FSTL5: variants seen among roughly 807,000 people sequenced by gnomAD.
FSTL5 encodes follistatin like 5.
In FSTL5, 62 loss-of-function variants were observed where a neutral mutation model predicts 89.1. The ratio of observed to expected loss-of-function variants is 0.70; its 90% CI spans 0.57 to 0.86. The LOEUF is 0.86. FSTL5 is among the 40% of genes least tolerant of loss of function. The pLI, the probability that FSTL5 is intolerant of heterozygous loss-of-function variation, is 0.00. For synonymous variants in FSTL5, 383 were observed against 346.2 expected (o/e 1.11, Z -1.18); for missense variants, 1,057 against 1,001.6 (o/e 1.06, Z -0.75).
At chr4:161,948,867 A>C (rs1213077476) in intron 3 of FSTL5, among the ~76,000 whole-genome samples, 1 of 151,654 alleles carries the variant, frequency 6.6e-6, no homozygotes, top group East Asian at 1.9e-4. Context: ...GTGATTTTTA[A>C]AATTATTTCC....
chr4:161,847,915 A>G (rs1174649218), intron 4 of FSTL5, among the ~76,000 whole-genome samples: 2 of 151,740 alleles, frequency 1.3e-5, no homozygotes, highest in African/African-American at 4.8e-5. Context: ...GTGTGCCTGT[A>G]ATCACAGCTA....
intron 3 of FSTL5, among the ~76,000 whole-genome samples, chr4:161,924,997 T>A (rs1277899162): frequency 6.6e-6 from 1 of 151,878 alleles, no homozygotes; most frequent in Non-Finnish European, 1.5e-5. Context: ...GAGTCTTTGC[T>A]TTTCTGTTCC....
At chr4:162,012,927 T>C (rs1312565589) in intron 3 of FSTL5, among the ~76,000 whole-genome samples, 1 of 152,158 alleles carries the variant, frequency 6.6e-6, no homozygotes, top group Non-Finnish European at 1.5e-5. Context: ...CTCACTCCTG[T>C]AGTTCTAGCA....
chr4:161,964,150 T>G (rs758286415), intron 3 of FSTL5, among the ~76,000 whole-genome samples: 41 of 151,980 alleles, frequency 2.7e-4, no homozygotes, highest in Non-Finnish European at 4.6e-4. Flanking sequence ...GGATAATAAA[T>G]AAAGACACTA....
At chr4:161,443,018 T>C (rs200783738) in intron 15 of FSTL5, among the ~76,000 whole-genome samples, 63 of 152,082 alleles carry the variant, frequency 4.1e-4, no homozygotes, top group Admixed American at 4.6e-4. Context: ...GAAAAAATAA[T>C]GGCTCCTGCA....
At chr4:161,542,801 A>G (rs1223033860) in intron 8 of FSTL5, 108 bp from the exon 9 acceptor site, 2 of 567,576 alleles carry the variant, frequency 3.5e-6, no homozygotes, top group Non-Finnish European at 5.5e-6. Flanking sequence ...TATTTTAATG[A>G]TGCTATACGT....
intron 2 of FSTL5, among the ~76,000 whole-genome samples, chr4:162,103,495 A>C (rs1731085015): frequency 6.6e-6 from 1 of 152,174 alleles, no homozygotes; most frequent in Admixed American, 6.6e-5. Flanking sequence ...GGTCTCTAAT[A>C]ATTAGTTTCT....
At chr4:161,482,928 T>C (rs2126456532) in intron 12 of FSTL5, among the ~76,000 whole-genome samples, 1 of 152,344 alleles carries the variant, frequency 6.6e-6, no homozygotes, top group Non-Finnish European at 1.5e-5. Flanking sequence ...TCTAAGCTTC[T>C]AAGACATAAG....
At chr4:161,524,585 G>A (rs780185730) in intron 10 of FSTL5, among the ~76,000 whole-genome samples, 14 of 151,854 alleles carry the variant, frequency 9.2e-5, no homozygotes, top group East Asian at 1.9e-4. Context: ...CAGATTCTAC[G>A]TCACAATGCC....
Position 162,144,656 on chromosome 4 carries a change from A to C in FSTL5, c.-17+18959T>G, listed in dbSNP as rs139707089. Among the ~76,000 whole-genome samples the C allele has an allele frequency of 2.0e-5, 3 of 152,272 alleles. No homozygotes were observed. The East Asian group carries it at 5.8e-4, about 29-fold the overall frequency. On this transcript the variant is annotated intron_variant, in intron 1 of 15. Transcript: ENST00000306100. ...ACATCATGGTTCTTTTGAAAAATTGATTAGACAAATATAATGATCCACAAA... is the reference window on the plus strand; with the variant it reads ...ACATCATGGTTCTTTTGAAAAATTGCTTAGACAAATATAATGATCCACAAA...
chr4:161,471,961 C>T (rs1460887874), intron 13 of FSTL5, among the ~76,000 whole-genome samples: 9 of 145,494 alleles, frequency 6.2e-5, no homozygotes, highest in African/African-American at 2.3e-4. Context: ...TAGCTAATAG[C>T]TTGTCAATTT....
chr4:161,701,544 T>C (rs570564033), intron 6 of FSTL5, among the ~76,000 whole-genome samples: 1 of 152,170 alleles, frequency 6.6e-6, no homozygotes, highest in African/African-American at 2.4e-5. Flanking sequence ...GTTAACCACA[T>C]TTTTATAATC....
chr4:161,478,272 T>C (rs752708583), intron 13 of FSTL5, among the ~76,000 whole-genome samples: 10 of 152,120 alleles, frequency 6.6e-5, no homozygotes, highest in Non-Finnish European at 1.2e-4. Context: ...ATAGTTCCTC[T>C]ATAAATCATC....
intron 3 of FSTL5, among the ~76,000 whole-genome samples, chr4:162,005,718 A>G (rs1736596311): frequency 6.6e-6 from 1 of 152,104 alleles, no homozygotes; most frequent in Non-Finnish European, 1.5e-5. Context: ...GTGATGTGTC[A>G]AGCATAATTC....
intron 2 of FSTL5, among the ~76,000 whole-genome samples, chr4:162,054,284 T>A (rs1738470599): frequency 1.3e-5 from 2 of 151,734 alleles, no homozygotes; most frequent in Non-Finnish European, 3.0e-5. Flanking sequence ...AACACTCTAT[T>A]GAGAACATTT....
intron 14 of FSTL5, 61 bp downstream of exon 14, chr4:161,459,151 C>T: frequency 1.0e-6 from 1 of 995,992 alleles, no homozygotes; most frequent in Non-Finnish European, 1.6e-6. Context: ...CACAAATATC[C>T]AATAAAATGT....
At chr4:161,807,196 T>TACACACAC (rs10561299) in intron 4 of FSTL5, among the ~76,000 whole-genome samples, 2,581 of 146,602 alleles carry the variant, frequency 0.018, 42 homozygotes, top group African/African-American at 0.038. Flanking sequence ...CACATGAGAA[T>TACACACAC]ACACACACAC....
intron 3 of FSTL5, among the ~76,000 whole-genome samples, chr4:162,030,574 C>T (rs1236124191): frequency 6.6e-6 from 1 of 152,120 alleles, no homozygotes; most frequent in Non-Finnish European, 1.5e-5. Context: ...AGCAACTGAA[C>T]TTTTTCGGTG....
At chr4:161,417,971 G>C (rs1245520190) in intron 15 of FSTL5, among the ~76,000 whole-genome samples, 1 of 152,090 alleles carries the variant, frequency 6.6e-6, no homozygotes, top group Non-Finnish European at 1.5e-5. Context: ...AGGTTGTTTA[G>C]TTCAACATCG....
Sources: gnomAD v4.1 joint callset for allele counts (sites outside exome capture counted in the v4.1 genomes callset) on GRCh38, gnomAD v4.1.1 for gene constraint, MANE v1.5 for transcripts, NCBI Gene and HGNC (gene_info 2026-07-23, HGNC 2026-07-21) for gene names.